DNAH14: variants seen among roughly 807,000 people sequenced by gnomAD.
DNAH14 encodes dynein axonemal heavy chain 14.
DNAH14 carries 478 observed loss-of-function variants against 520.9 expected under a neutral mutation model. The ratio of observed to expected loss-of-function variants is 0.92; its 90% CI spans 0.85 to 0.99. The LOEUF (loss-of-function observed/expected upper bound fraction) is 0.99. Among genes scored for constraint, DNAH14 ranks in the 50% least tolerant of loss-of-function variants. The probability of loss-of-function intolerance (pLI) is 0.00; values close to 1 mark genes in which losing one functional copy is unlikely to be tolerated. For missense variants in DNAH14, 4,831 were observed against 5,234.5 expected, an observed-to-expected ratio of 0.92 and a Z score of 2.38; for synonymous variants, 1,581 against 1,757.2, an observed-to-expected ratio of 0.90 and a Z score of 2.51.
chr1:225,102,638 C>T (rs1392058587), intron 23 of DNAH14, among the ~76,000 whole-genome samples: 3 of 152,154 alleles, frequency 2.0e-5, no homozygotes, highest in African/African-American at 4.8e-5. Flanking sequence ...TCTCTGATGG[C>T]CAGTGATGAT....
At chr1:225,307,869 T>C (rs2094281377) in intron 59 of DNAH14, among the ~76,000 whole-genome samples, 1 of 152,240 alleles carries the variant, frequency 6.6e-6, no homozygotes, top group Non-Finnish European at 1.5e-5. Context: ...GTCAATTAGT[T>C]AAATCCATCT....
At chr1:225,377,214 C>G in intron 78 of DNAH14, 23 bp from the exon 79 acceptor site, 1 of 1,372,318 alleles carries the variant, frequency 7.3e-7, no homozygotes, top group Non-Finnish European at 9.5e-7. Context: ...AAGAAAAAAG[C>G]TAACAAAATG....
intron 27 of DNAH14, among the ~76,000 whole-genome samples, chr1:225,139,035 C>A (rs1042584968): frequency 1.3e-5 from 2 of 152,122 alleles, no homozygotes; most frequent in Non-Finnish European, 2.9e-5. Flanking sequence ...AACATCATAT[C>A]CTTTTACTTT....
At chr1:224,937,277 A>G (rs962342393) in intron 1 of DNAH14, among the ~76,000 whole-genome samples, 22 of 152,014 alleles carry the variant, frequency 1.4e-4, no homozygotes, top group African/African-American at 5.3e-4. Context: ...CTTGTTTGCA[A>G]ATGTCATGAT....
intron 41 of DNAH14, among the ~76,000 whole-genome samples, chr1:225,215,767 T>G (rs1236486023): frequency 6.6e-6 from 1 of 152,198 alleles, no homozygotes; most frequent in Admixed American, 6.5e-5. Flanking sequence ...TCTCCATCCC[T>G]TTATTTTGAG....
At position 225,066,786 on chromosome 1, in the gene DNAH14, A is replaced by G. The variant is rs113595316; in HGVS notation, c.2425-12421A>G. Among the ~76,000 whole-genome samples, 416 of 152,216 alleles carry G rather than the reference A, an allele frequency of 2.7e-3. 3 individuals are homozygous for G. The highest frequency in any genetic ancestry group is 9.4e-3 in the African/African-American group (390 of 41,556). On this transcript the variant is annotated intron_variant, in intron 17 of 85. Coordinates refer to ENST00000682510, the MANE Select transcript of DNAH14 (RefSeq NM_001367479.1). ...TTCCTGGGTTACTTCACTTAGAATA[A>G]TGGCCTCCAGTTCCATCCAAGTTTC...
chr1:225,303,065 C>A, intron 56 of DNAH14, 91 bp from the exon 57 acceptor site: 1 of 1,018,058 alleles, frequency 9.8e-7, no homozygotes, highest in Non-Finnish European at 1.4e-6. Flanking sequence ...AAGGAAAGAT[C>A]TGAAATATGT....
intron 64 of DNAH14, among the ~76,000 whole-genome samples, chr1:225,330,730 C>T (rs973732087): frequency 2.8e-4 from 43 of 152,194 alleles, no homozygotes; most frequent in African/African-American, 9.6e-4. Flanking sequence ...ATGAATAAGA[C>T]CTAGTACGTG....
intron 36 of DNAH14, among the ~76,000 whole-genome samples, chr1:225,168,974 G>A (rs6675162): frequency 0.047 from 7,078 of 152,196 alleles, 498 homozygotes; most frequent in African/African-American, 0.16. Flanking sequence ...CGATCTGGCA[G>A]CAACATCTGC....
In DNAH14 at chr1:225,232,278, T is replaced by TACACACAC. The variant is rs200880149; in HGVS notation, c.6518+1128_6518+1129insCACACACA. Among the ~76,000 whole-genome samples, 455 of 133,886 alleles carry TACACACAC rather than the reference T, an allele frequency of 3.4e-3. 3 individuals carry two copies. Among genetic ancestry groups the TACACACAC allele is most frequent in the East Asian group, 0.022 (83 of 3,752 alleles). The allele number at this position is 133,886 out of a possible 152,430, so 87.8% of individuals were successfully genotyped here. A position where few individuals can be genotyped will look rare whatever the true frequency, so the allele number is the denominator to read the frequency against. On this transcript the variant is annotated intron_variant, in intron 42 of 85. Transcript: ENST00000682510. This position sits in a 1 kb window ranked among gnomAD's most constrained non-coding sequence, Gnocchi z 4.2. ...ATATATATAAACTGTGATATATATA[T>TACACACAC]ATACACACACACACACACACACGTG...
Position 225,117,776 on chromosome 1 carries a change from T to G in DNAH14, c.3960T>G (p.Pro1320=). 1 of 1,550,262 alleles carries G rather than the reference T, an allele frequency of 6.5e-7. No individual in the cohort carries two copies. The highest frequency in any genetic ancestry group is 8.7e-7 in the Non-Finnish European group (1 of 1,146,030). The change falls in exon 24 of 86, where the codon CCT becomes CCG. Residue 1320 remains proline (P), a synonymous_variant. Transcript: ENST00000682510. ...LLDILADSRN[P]ESVQPHLVKC... ...ATATTCTAGCTGATAGCAGAAATCC[T>G]GAGTCTGTACAGGTAATAACATCTT...
intron 9 of DNAH14, among the ~76,000 whole-genome samples, chr1:225,006,683 G>T (rs1306534956): frequency 6.6e-6 from 1 of 152,148 alleles, no homozygotes; most frequent in Non-Finnish European, 1.5e-5. Context: ...GACATTTATC[G>T]ATGACAATGC....
chr1:225,337,272 C>G lies in DNAH14; in HGVS notation c.10087C>G (p.Arg3363Gly), dbSNP rs1175599389. 9.7e-6 allele frequency: 15 copies of G among 1,551,146 alleles called. No individual in the cohort carries two copies. The East Asian group carries it at 3.2e-4, about 33-fold the overall frequency. Residue 3363 changes from arginine to glycine, a missense_variant, in exon 67 of 86, where the codon CGA becomes GGA. Transcript: ENST00000682510. ...KVMAQKYEISRWHNQGLPHGQ... is the reference protein window; with the variant it reads ...KVMAQKYEISGWHNQGLPHGQ... ...ACTAATAATTTCATTGCAGATCAGC[C>G]GATGGCATAATCAGGGACTGCCTCA... is the stretch of plus-strand genomic sequence containing the variant.
At chr1:224,976,382 C>T (rs1048292350) in intron 8 of DNAH14, among the ~76,000 whole-genome samples, 1 of 152,024 alleles carries the variant, frequency 6.6e-6, no homozygotes, top group Non-Finnish European at 1.5e-5. Context: ...ACCATAAAAA[C>T]CCTAGAAGAA....
intron 77 of DNAH14, among the ~76,000 whole-genome samples, chr1:225,370,004 G>A (rs868750227): frequency 2.6e-5 from 4 of 152,134 alleles, no homozygotes; most frequent in African/African-American, 4.8e-5. Flanking sequence ...TGGCCAACAT[G>A]ATGAAACCTG....
chr1:225,149,103 T>G (rs371041863), intron 31 of DNAH14, among the ~76,000 whole-genome samples: 43 of 152,338 alleles, frequency 2.8e-4, no homozygotes, highest in African/African-American at 9.9e-4. Flanking sequence ...ATTTAAGTCT[T>G]TAATCCATCT....
At chr1:225,075,949 C>G (rs150550231) in intron 17 of DNAH14, among the ~76,000 whole-genome samples, 22 of 94,884 alleles carry the variant, frequency 2.3e-4, no homozygotes, top group Non-Finnish European at 4.5e-4. Flanking sequence ...TGGAATAGTT[C>G]ATGGGCCAGC....
chr1:225,199,809 C>A (rs1180379582), intron 38 of DNAH14, among the ~76,000 whole-genome samples: 2 of 152,132 alleles, frequency 1.3e-5, no homozygotes, highest in African/African-American at 4.8e-5. Context: ...AATGTATATT[C>A]TGCAGTTGTT....
intron 8 of DNAH14, among the ~76,000 whole-genome samples, chr1:224,991,084 C>CATTTTTTTTTTTTTTTTTTTTT (rs1558617220): frequency 2.6e-5 from 2 of 77,900 alleles, no homozygotes; most frequent in Non-Finnish European, 2.8e-5. Context: ...TGATGTTGAG[C>CATTTTTTTTTTTTTTTTTTTTT]TTTTTTTTTT....
Sources: gnomAD v4.1 joint callset for allele counts (sites outside exome capture counted in the v4.1 genomes callset) on GRCh38, gnomAD v4.1.1 for gene constraint, Gnocchi (gnomAD v3.1) non-coding constraint, MANE v1.5 for transcripts, NCBI Gene and HGNC (gene_info 2026-07-23, HGNC 2026-07-21) for gene names.